Variants in COL14A1 observed in about 807,000 individuals in gnomAD.
COL14A1 encodes collagen alpha-1(XIV) chain.
A neutral mutation model predicts 230.3 loss-of-function variants in COL14A1; 136 were observed. The ratio of observed to expected loss-of-function variants is 0.59; its 90% CI spans 0.51 to 0.68. The LOEUF (loss-of-function observed/expected upper bound fraction) is 0.68. Ranked by LOEUF, COL14A1 falls within the 30% of genes least tolerant of loss-of-function variation. The probability of loss-of-function intolerance (pLI) is 0.00; values close to 1 mark genes in which losing one functional copy is unlikely to be tolerated. For synonymous variants in COL14A1, 792 were observed against 784.1 expected (o/e 1.01, Z -0.17); for missense variants, 1,976 against 2,215.8 (o/e 0.89, Z 2.17).
At chr8:120,196,323 T>C (rs1286507627) in intron 5 of COL14A1, among the ~76,000 whole-genome samples, 6 of 152,222 alleles carry the variant, frequency 3.9e-5, no homozygotes, top group Non-Finnish European at 8.8e-5. Context: ...AATGTTTCCT[T>C]GAATTCAGAA....
At chr8:120,204,294 A>T (rs1475506333) in intron 9 of COL14A1, among the ~76,000 whole-genome samples, 1 of 152,160 alleles carries the variant, frequency 6.6e-6, no homozygotes, top group Non-Finnish European at 1.5e-5. Flanking sequence ...CACCACAAGG[A>T]TCACTCCTGT....
Position 120,224,031 on chromosome 8 carries a change from T to TTTTTTTTTTTTC in COL14A1, c.1738-1046_1738-1045insCTTTTTTTTTTT, listed in dbSNP as rs1306179946. On this transcript the variant is annotated intron_variant, in intron 14 of 47. Coordinates refer to ENST00000297848, the MANE Select transcript of COL14A1 (RefSeq NM_021110.4). ...GACCCTGCCCTCATCTCCTTTTTTT[T>TTTTTTTTTTTTC]TTTTTTTTTTTTTGAGACAGAGTCT... 9.1e-5 allele frequency among the ~76,000 whole-genome samples: 12 copies of TTTTTTTTTTTTC among 132,240 alleles called. 1 individual carries two copies. The highest frequency in any genetic ancestry group is 3.4e-4 in the African/African-American group (12 of 35,028). 86.8% of individuals were successfully genotyped at this position (132,240 alleles called of 152,430 possible). A position where few individuals can be genotyped will look rare whatever the true frequency, so the allele number is the denominator to read the frequency against.
Position 120,335,272 on chromosome 8 carries a change from A to C in COL14A1, c.4785+2537A>C, listed in dbSNP as rs577652505. Among the ~76,000 whole-genome samples, 270 of 152,272 alleles carry C rather than the reference A, an allele frequency of 1.8e-3. 1 individual carries two copies. Among genetic ancestry groups the C allele is most frequent in the African/African-American group, 6.2e-3 (256 of 41,544 alleles). On this transcript the variant is annotated intron_variant, in intron 42 of 47. Coordinates refer to ENST00000297848, the MANE Select transcript of COL14A1 (RefSeq NM_021110.4). ...ATAGTATCTACATAAATACCAATAA[A>C]ATTTTCCCACAAATAAAACACTTGT...
At chr8:120,208,392 T>C (rs1357498188) in intron 11 of COL14A1, 31 bp downstream of exon 11, 1 of 1,603,204 alleles carries the variant, frequency 6.2e-7, no homozygotes, top group South Asian at 1.1e-5. Flanking sequence ...CACTTCTAAC[T>C]TTGTAGAGTG....
At chr8:120,125,031 TCCCACCTC>T (rs1351671487), upstream of COL14A1, 1 of 152,224 alleles carries the variant, frequency 6.6e-6, no homozygotes, top group Non-Finnish European at 1.5e-5. Context: ...TAGGCCTGCC[TCCCACCTC>T]CCCACCTCCC....
Position 120,342,363 on chromosome 8 carries a change from C to CT in COL14A1, c.4822-10dup, listed in dbSNP as rs748179844. On this transcript the variant is annotated splice_polypyrimidine_tract_variant and intron_variant, in intron 43 of 47. Coordinates refer to ENST00000297848, the MANE Select transcript of COL14A1 (RefSeq NM_021110.4). Reference sequence around the variant, plus strand: ...GGCTTGTAGCTGAGTCAGGAGTATGCTTTTTTTCTCATCCAGGGTGACCTG... The same window carrying CT: ...GGCTTGTAGCTGAGTCAGGAGTATGCTTTTTTTTCTCATCCAGGGTGACCTG... The CT allele has an allele frequency of 5.0e-6, 8 of 1,613,220 alleles. No individual in the cohort carries two copies. Among genetic ancestry groups the CT allele is most frequent in the South Asian group, 3.3e-5 (3 of 91,040 alleles).
At chr8:120,237,520 A>G (rs948950926) in intron 19 of COL14A1, among the ~76,000 whole-genome samples, 9 of 152,148 alleles carry the variant, frequency 5.9e-5, no homozygotes, top group African/African-American at 2.2e-4. Context: ...GTAAGCTTTT[A>G]TCAAGGTTCT....
rs558272315 is a variant in COL14A1, at chr8:120,372,607, C to A, written c.*1376C>A. 2.0e-5 allele frequency among the ~76,000 whole-genome samples: 3 copies of A among 152,268 alleles called. No homozygotes were observed. In the South Asian group the frequency reaches 6.2e-4, roughly 32 times the overall value. ...AAAGTAGGGATGGGATCATTTACAA[C>A]TAGAAGCTGGATTCTTTCTGGATCA... On this transcript the variant is annotated 3_prime_UTR_variant, in exon 48 of 48. Coordinates refer to ENST00000297848, the MANE Select transcript of COL14A1 (RefSeq NM_021110.4).
At chr8:120,168,668 T>G (rs535129397) in intron 5 of COL14A1, among the ~76,000 whole-genome samples, 29 of 152,300 alleles carry the variant, frequency 1.9e-4, no homozygotes, top group African/African-American at 7.0e-4. Flanking sequence ...TTTCCTTATC[T>G]GCAAAATGTG....
At chr8:120,179,565 C>T (rs984723602) in intron 5 of COL14A1, among the ~76,000 whole-genome samples, 1 of 152,130 alleles carries the variant, frequency 6.6e-6, no homozygotes, top group South Asian at 2.1e-4. Flanking sequence ...GAAAAACATT[C>T]CATGCTCATG....
At chr8:120,332,952 T>A (rs1361544757) in intron 42 of COL14A1, among the ~76,000 whole-genome samples, 2 of 152,250 alleles carry the variant, frequency 1.3e-5, no homozygotes, top group Non-Finnish European at 2.9e-5. Context: ...AAGGGAATAA[T>A]CTGTCATGCT....
intron 14 of COL14A1, among the ~76,000 whole-genome samples, chr8:120,221,250 G>A (rs1454568438): frequency 6.6e-6 from 1 of 152,042 alleles, no homozygotes; most frequent in Non-Finnish European, 1.5e-5. Flanking sequence ...TCTAAAATTA[G>A]GCTGAAGTTA....
chr8:120,284,162 G>T (rs762847065), intron 32 of COL14A1, among the ~76,000 whole-genome samples: 2 of 152,204 alleles, frequency 1.3e-5, no homozygotes, highest in African/African-American at 2.4e-5. Flanking sequence ...TGATATCCCA[G>T]AATGGATGTC....
intron 2 of COL14A1, among the ~76,000 whole-genome samples, chr8:120,150,993 T>TA (rs977564188): frequency 7.2e-4 from 103 of 142,224 alleles, no homozygotes; most frequent in African/African-American, 1.1e-3. Context: ...ATTGAAAGAG[T>TA]AAAAAAAAAA....
intron 34 of COL14A1, 85 bp downstream of exon 34, chr8:120,289,851 G>A (rs1242444111): frequency 4.6e-5 from 65 of 1,402,522 alleles, no homozygotes; most frequent in Non-Finnish European, 6.3e-5. Flanking sequence ...CAGGGGAAAG[G>A]TTTAACAAAA....
At chr8:120,267,099 T>C (rs1819522467) in intron 25 of COL14A1, 1 of 497,852 alleles carries the variant, frequency 2.0e-6, no homozygotes, top group South Asian at 2.6e-5. Flanking sequence ...ACAGAATTGC[T>C]TAATACTATT....
chr8:120,180,578 C>T lies in COL14A1; in HGVS notation c.436+12331C>T, dbSNP rs1816428624. Among the ~76,000 whole-genome samples, 5 of 152,096 alleles carry T rather than the reference C, an allele frequency of 3.3e-5. No homozygotes were observed. In the South Asian group the frequency reaches 8.3e-4, roughly 25 times the overall value. Reference sequence around the variant, plus strand: ...CTTGCTTCTCCATCTCCTGGCTGTGCCTTCCTCTGGGATGGCTTTATTTCT... The same window carrying T: ...CTTGCTTCTCCATCTCCTGGCTGTGTCTTCCTCTGGGATGGCTTTATTTCT... On this transcript the variant is annotated intron_variant, in intron 5 of 47. Transcript: ENST00000297848.
chr8:120,141,611 TC>T (rs1049722099), intron 1 of COL14A1, among the ~76,000 whole-genome samples: 1 of 152,238 alleles, frequency 6.6e-6, no homozygotes, highest in South Asian at 2.1e-4. Flanking sequence ...CAATGCTTTT[TC>T]CATATAAATA....
At chr8:120,256,813 G>T (rs10955966) in intron 23 of COL14A1, among the ~76,000 whole-genome samples, 23,716 of 152,118 alleles carry the variant, frequency 0.16, 2,431 homozygotes, top group Non-Finnish European at 0.23. Context: ...AATTCTAAGT[G>T]TAATAATCAC....
Sources: allele counts gnomAD v4.1 joint callset (sites outside exome capture counted in the v4.1 genomes callset), GRCh38; gene constraint gnomAD v4.1.1; transcripts MANE v1.5; gene names NCBI Gene and HGNC (gene_info 2026-07-23, HGNC 2026-07-21).